The following KNL1 variants were observed in gnomAD, a reference collection of about 807,000 sequenced individuals.
The protein encoded by KNL1 is kinetochore scaffold 1, also known as outer kinetochore KNL1 complex subunit KNL1.
Under a neutral mutation model 201.3 loss-of-function variants are expected in KNL1, and 66 were observed. That is an observed-to-expected ratio of 0.33 (90% CI 0.27 to 0.40). The LOEUF (loss-of-function observed/expected upper bound fraction) is 0.40. Among genes scored for constraint, KNL1 ranks in the 10% least tolerant of loss-of-function variants. The pLI is 1.00. For synonymous variants in KNL1, 895 were observed against 899.2 expected, an observed-to-expected ratio of 1.00 and a Z score of 0.08; for missense variants, 2,815 against 2,690.5, an observed-to-expected ratio of 1.05 and a Z score of -1.02.
intron 9 of KNL1, among the ~76,000 whole-genome samples, chr15:40,619,925 T>C (rs1451988209): frequency 6.6e-6 from 1 of 152,176 alleles, no homozygotes; most frequent in Non-Finnish European, 1.5e-5. Flanking sequence ...TCGCAGACTT[T>C]AGATTTCTTT....
chr15:40,662,146 A>G lies in KNL1; in HGVS notation c.6909A>G (p.Gln2303=), dbSNP rs752273848. ...ACTACCTGAAGAATGTAGTCAAGCA[A>G]ATTTACCAAGATCTGTTTCAGGACT... The part of the protein sequence containing the change: ...ENNYLKNVVK[Q]IYQDLFQDCH... Residue 2303 remains glutamine, a synonymous_variant, in exon 26 of 26, where the codon CAA becomes CAG. Coordinates refer to ENST00000399668, the MANE Select transcript of KNL1 (RefSeq NM_144508.5). 8.7e-6 allele frequency: 14 copies of G among 1,612,392 alleles called. No individual in the cohort carries two copies. The East Asian group carries it at 2.5e-4, about 28-fold the overall frequency.
chr15:40,610,936 G>C, intron 6 of KNL1: 3 of 427,362 alleles, frequency 7.0e-6, no homozygotes, highest in Non-Finnish European at 1.4e-5. Flanking sequence ...TTTTAGTAGA[G>C]ACAGGGTTTC....
intron 25 of KNL1, among the ~76,000 whole-genome samples, chr15:40,659,894 ATGTGTGTGTG>A: frequency 6.8e-6 from 1 of 146,974 alleles, no homozygotes; most frequent in South Asian, 2.2e-4. Context: ...TGAAGAATTT[ATGTGTGTGTG>A]TGTGTGTGTG....
At chr15:40,628,839 A>C (rs143112832) in intron 12 of KNL1, among the ~76,000 whole-genome samples, 161 bp downstream of exon 12, 3 of 152,148 alleles carry the variant, frequency 2.0e-5, no homozygotes, top group Admixed American at 2.0e-4. Flanking sequence ...ATCCAACATA[A>C]CAATTAATTA....
chr15:40,653,067 A>G (rs779436417), intron 21 of KNL1, among the ~76,000 whole-genome samples: 1 of 152,166 alleles, frequency 6.6e-6, no homozygotes, highest in Non-Finnish European at 1.5e-5. Flanking sequence ...TTTCTCAATG[A>G]ATAGCGTTAC....
In KNL1 at chr15:40,663,467, T is replaced by TG. The variant is rs1356614511; in HGVS notation, c.*1280dup. ...TTGTGTTTGTGATGTAGTAAGGAGA[T>TG]GTACATAGAAATTCATTGAGGTATA... is the stretch of plus-strand genomic sequence containing the variant. On this transcript the variant is annotated 3_prime_UTR_variant, in exon 26 of 26. Coordinates refer to ENST00000399668, the MANE Select transcript of KNL1 (RefSeq NM_144508.5). The TG allele has an allele frequency of 5.4e-6, 1 of 186,902 alleles. No homozygotes were observed. Among genetic ancestry groups the TG allele is most frequent in the East Asian group, 8.6e-5 (1 of 11,624 alleles). The allele number at this position is 186,902 out of a possible 1,614,324, so 11.6% of individuals were successfully genotyped here.
At chr15:40,633,236 A>C (rs1892964854) in intron 13 of KNL1, among the ~76,000 whole-genome samples, 1 of 149,086 alleles carries the variant, frequency 6.7e-6, no homozygotes, top group Non-Finnish European at 1.5e-5. Context: ...GCTTGAACCC[A>C]GGAGGCGGAG....
chr15:40,643,706 T>G (rs1293127848), intron 14 of KNL1, among the ~76,000 whole-genome samples: 2 of 152,174 alleles, frequency 1.3e-5, no homozygotes, highest in East Asian at 3.8e-4. Context: ...TTGACAGACC[T>G]TAGGATTCTT....
At chr15:40,604,241 G>A (rs1891903642) in intron 2 of KNL1, among the ~76,000 whole-genome samples, 1 of 65,020 alleles carries the variant, frequency 1.5e-5, no homozygotes, top group African/African-American at 4.6e-5. Context: ...CAGGAAAATT[G>A]AGAACCTATC....
intron 10 of KNL1, among the ~76,000 whole-genome samples, chr15:40,626,782 G>T (rs1012094070): frequency 2.0e-5 from 3 of 152,122 alleles, no homozygotes; most frequent in African/African-American, 7.2e-5. Context: ...GTTTCACCAC[G>T]TTGGCCAGGC....
Position 40,620,729 on chromosome 15 carries a change from A to T in KNL1, c.465A>T (p.Ser155=), listed in dbSNP as rs1892490673. 6.2e-7 allele frequency: 1 copy of T among 1,611,386 alleles called. No homozygotes were observed. The highest frequency in any genetic ancestry group is 8.5e-7 in the Non-Finnish European group (1 of 1,179,118). Residue 155 remains serine (S), a synonymous_variant, in exon 10 of 26, where the codon TCA becomes TCT. Transcript: ENST00000399668. ...ATGAAAACCAGATGGACCTGACATC[A>T]AGTCACACTGTAATGATTACCAAAG... ...FSDENQMDLT[S]SHTVMITKGL...
chr15:40,612,708 G>A (rs148474344), intron 7 of KNL1, among the ~76,000 whole-genome samples: 6 of 151,994 alleles, frequency 3.9e-5, no homozygotes, highest in South Asian at 2.1e-4. Context: ...TAGTAGACAC[G>A]GGGTTTCACC....
At chr15:40,639,120 T>C (rs1300460478) in intron 13 of KNL1, among the ~76,000 whole-genome samples, 1 of 151,724 alleles carries the variant, frequency 6.6e-6, no homozygotes, top group Non-Finnish European at 1.5e-5. Context: ...CCAGTACATA[T>C]AGTTTTGATT....
chr15:40,604,337 C>A (rs1891906051), intron 2 of KNL1, among the ~76,000 whole-genome samples: 1 of 152,130 alleles, frequency 6.6e-6, no homozygotes, highest in African/African-American at 2.4e-5. Flanking sequence ...GGCTTGTTTG[C>A]AGCCTGCAGT....
chr15:40,632,154 G>A (rs1407132045), intron 13 of KNL1, among the ~76,000 whole-genome samples: 1 of 151,872 alleles, frequency 6.6e-6, no homozygotes, highest in Non-Finnish European at 1.5e-5. Context: ...GGGAGGCTGA[G>A]GAGGGAAGAT....
chr15:40,654,863 T>C, intron 21 of KNL1, 46 bp from the exon 22 acceptor site: 1 of 1,443,402 alleles, frequency 6.9e-7, no homozygotes, highest in South Asian at 1.1e-5. Flanking sequence ...AGTGAGACTC[T>C]CTGTCTAAAA....
intron 13 of KNL1, among the ~76,000 whole-genome samples, chr15:40,635,719 C>T (rs938020251): frequency 2.6e-5 from 4 of 152,052 alleles, no homozygotes; most frequent in Non-Finnish European, 4.4e-5. Flanking sequence ...TACACACCTC[C>T]CATATATACG....
chr15:40,647,160 T>C lies in KNL1; in HGVS notation c.6094+86T>C, dbSNP rs1195240432. ...AGTAGAGAATGTTGGTACCACGATA[T>C]TGAAGACTTGTATTAGCAACTTGAG... On this transcript the variant is annotated intron_variant, in intron 17 of 25. Transcript: ENST00000399668. The C allele has an allele frequency of 3.0e-5, 22 of 726,128 alleles. No individual in the cohort carries two copies. The East Asian group carries it at 5.0e-4, about 16-fold the overall frequency. 45.0% of individuals were successfully genotyped at this position (726,128 alleles called of 1,614,324 possible). A position where few individuals can be genotyped will look rare whatever the true frequency, so the allele number is the denominator to read the frequency against.
intron 17 of KNL1, among the ~76,000 whole-genome samples, chr15:40,648,369 C>G (rs950616433): frequency 2.0e-5 from 3 of 152,120 alleles, no homozygotes; most frequent in African/African-American, 7.2e-5. Flanking sequence ...GAGGTCAAGA[C>G]TACAGTGAGG....
Sources: gnomAD v4.1 joint callset for allele counts (sites outside exome capture counted in the v4.1 genomes callset) on GRCh38, gnomAD v4.1.1 for gene constraint, MANE v1.5 for transcripts, NCBI Gene and HGNC (gene_info 2026-07-23, HGNC 2026-07-21) for gene names.